Variants in MTMR12 observed in about 807,000 individuals in gnomAD.
MTMR12 encodes myotubularin related protein 12.
A neutral mutation model predicts 96.7 loss-of-function variants in MTMR12; 33 were observed. The observed-to-expected ratio is 0.34, with a 90% CI of 0.26 to 0.46. The LOEUF is 0.46. Among genes scored for constraint, MTMR12 ranks in the 20% least tolerant of loss-of-function variants. The probability of loss-of-function intolerance (pLI) is 1.00; values close to 1 mark genes in which losing one functional copy is unlikely to be tolerated. For missense variants in MTMR12, 721 were observed against 896.1 expected, an observed-to-expected ratio of 0.80 and a Z score of 2.49; for synonymous variants, 298 against 327.2, an observed-to-expected ratio of 0.91 and a Z score of 0.96.
At chr5:32,288,133 A>C (rs1435292157) in intron 1 of MTMR12, among the ~76,000 whole-genome samples, 1 of 152,188 alleles carries the variant, frequency 6.6e-6, no homozygotes, top group Non-Finnish European at 1.5e-5. Flanking sequence ...CAGCCTCGCC[A>C]GGTGTCTTTT....
intron 5 of MTMR12, among the ~76,000 whole-genome samples, 176 bp downstream of exon 5, chr5:32,270,641 C>G (rs59928961): frequency 0.45 from 68,270 of 152,072 alleles, 16,437 homozygotes; most frequent in African/African-American, 0.62. Flanking sequence ...ATGATACACA[C>G]GCATGCTTTA....
At chr5:32,251,647 G>T (rs1184770865) in intron 8 of MTMR12, among the ~76,000 whole-genome samples, 2 of 152,158 alleles carry the variant, frequency 1.3e-5, no homozygotes, top group East Asian at 3.8e-4. Flanking sequence ...ACAGCCGCTT[G>T]ACTACGAAGG....
intron 12 of MTMR12, among the ~76,000 whole-genome samples, chr5:32,239,376 G>A (rs925680641): frequency 3.9e-5 from 6 of 152,222 alleles, no homozygotes; most frequent in Non-Finnish European, 8.8e-5. Flanking sequence ...GCTCTAGCAT[G>A]TCTAGTACAG....
At chr5:32,252,548 G>C (rs1193234076) in intron 8 of MTMR12, among the ~76,000 whole-genome samples, 1 of 152,150 alleles carries the variant, frequency 6.6e-6, no homozygotes, top group African/African-American at 2.4e-5. Flanking sequence ...CAGATCAGTG[G>C]TTCTCAAACT....
At chr5:32,305,136 T>C (rs1032921257) in intron 1 of MTMR12, among the ~76,000 whole-genome samples, 4 of 152,196 alleles carry the variant, frequency 2.6e-5, no homozygotes, top group African/African-American at 9.6e-5. Context: ...TCGCCCAGGC[T>C]GGAATGCAGT....
chr5:32,271,039 G>T, intron 4 of MTMR12, 92 bp from the exon 5 acceptor site: 1 of 1,380,560 alleles, frequency 7.2e-7, no homozygotes, highest in Non-Finnish European at 9.8e-7. Context: ...AACTTCTAGG[G>T]ATACTTCCCA....
At chr5:32,235,402 A>T (rs1008221261) in intron 13 of MTMR12, among the ~76,000 whole-genome samples, 1 of 152,258 alleles carries the variant, frequency 6.6e-6, no homozygotes, top group East Asian at 1.9e-4. Flanking sequence ...GAGCATCTGC[A>T]ATTGATTCTG....
intron 10 of MTMR12, among the ~76,000 whole-genome samples, chr5:32,244,032 G>A (rs544143233): frequency 1.3e-5 from 2 of 152,236 alleles, no homozygotes; most frequent in African/African-American, 2.4e-5. Flanking sequence ...GCACAAGTTC[G>A]TCCACCCAGC....
At chr5:32,278,506 G>C (rs1171222294) in intron 1 of MTMR12, among the ~76,000 whole-genome samples, 1 of 152,078 alleles carries the variant, frequency 6.6e-6, no homozygotes, top group Non-Finnish European at 1.5e-5. Flanking sequence ...AGAATGTTAG[G>C]GCTTTTCCTG....
In MTMR12 at chr5:32,312,164, A is replaced by C. The variant is rs531268252; in HGVS notation, c.81+594T>G. Reference sequence around the variant, plus strand: ...GGGTGGAAAGGATGATGGTGAGGGGATGAGGAGAAAGAAGCGACAGCGGAG... The same window carrying C: ...GGGTGGAAAGGATGATGGTGAGGGGCTGAGGAGAAAGAAGCGACAGCGGAG... On this transcript the variant is annotated intron_variant, in intron 1 of 15. Coordinates refer to ENST00000382142, the MANE Select transcript of MTMR12 (RefSeq NM_001040446.3). This position sits in a 1 kb window ranked among gnomAD's most constrained non-coding sequence, Gnocchi z 5.0. Among the ~76,000 whole-genome samples the C allele has an allele frequency of 1.3e-5, 2 of 152,078 alleles. No homozygotes were observed. Among genetic ancestry groups the C allele is most frequent in the South Asian group, 4.2e-4 (2 of 4,770 alleles).
chr5:32,236,273 C>T (rs1318815215), intron 13 of MTMR12, among the ~76,000 whole-genome samples: 1 of 152,110 alleles, frequency 6.6e-6, no homozygotes, highest in Non-Finnish European at 1.5e-5. Context: ...TATGGGTAGG[C>T]GCAGTGGCTC....
chr5:32,245,112 T>G (rs1209961487), intron 10 of MTMR12, among the ~76,000 whole-genome samples: 2 of 152,234 alleles, frequency 1.3e-5, no homozygotes, highest in African/African-American at 4.8e-5. Flanking sequence ...CTCAGCTCAC[T>G]GCAACCTCTG....
intron 1 of MTMR12, among the ~76,000 whole-genome samples, chr5:32,301,583 T>A (rs2112156433): frequency 6.6e-6 from 1 of 152,356 alleles, no homozygotes; most frequent in South Asian, 2.1e-4. Context: ...TCAAGTGTTC[T>A]CAAATACTTC....
chr5:32,271,673 C>G (rs1749837929), intron 4 of MTMR12, among the ~76,000 whole-genome samples, 160 bp downstream of exon 4: 1 of 152,126 alleles, frequency 6.6e-6, no homozygotes, highest in African/African-American at 2.4e-5. Flanking sequence ...CTTATATAAA[C>G]CACTTTACAT....
chr5:32,257,366 T>C (rs1189857142), intron 7 of MTMR12, among the ~76,000 whole-genome samples: 3 of 152,152 alleles, frequency 2.0e-5, no homozygotes, highest in African/African-American at 7.2e-5. Context: ...GGTGGGGGTA[T>C]AGAGAAAACA....
chr5:32,262,980 T>G lies in MTMR12; in HGVS notation c.713+133A>C. Reference sequence around the variant, plus strand: ...GGAGTGACAGCCAATGGGTATGGAGTTTCTTTTTGGGAGGATGAAAATGTT... The same window carrying G: ...GGAGTGACAGCCAATGGGTATGGAGGTTCTTTTTGGGAGGATGAAAATGTT... On this transcript the variant is annotated intron_variant, in intron 7 of 15. Coordinates refer to ENST00000382142, the MANE Select transcript of MTMR12 (RefSeq NM_001040446.3). 11 of 1,174,084 alleles carry G rather than the reference T, an allele frequency of 9.4e-6. No homozygotes were observed. The East Asian group carries it at 1.0e-4, about 11-fold the overall frequency. 72.7% of individuals were successfully genotyped at this position (1,174,084 alleles called of 1,614,324 possible). A position where few individuals can be genotyped will look rare whatever the true frequency, so the allele number is the denominator to read the frequency against.
chr5:32,269,344 T>C (rs1581619035), intron 5 of MTMR12, among the ~76,000 whole-genome samples: 1 of 151,574 alleles, frequency 6.6e-6, no homozygotes, highest in Non-Finnish European at 1.5e-5. Flanking sequence ...ATTATTATTA[T>C]TGTTATTGAG....
intron 1 of MTMR12, among the ~76,000 whole-genome samples, chr5:32,295,514 T>C (rs920476565): frequency 2.6e-5 from 4 of 152,252 alleles, no homozygotes; most frequent in African/African-American, 9.6e-5. Flanking sequence ...TTTTGGATTT[T>C]CAGATTAGAA....
intron 8 of MTMR12, among the ~76,000 whole-genome samples, chr5:32,250,465 T>C (rs1040935893): frequency 1.3e-5 from 2 of 152,198 alleles, no homozygotes; most frequent in Non-Finnish European, 2.9e-5. Flanking sequence ...CAAAGGGCCC[T>C]TTGCTGTTCT....
Sources: allele counts gnomAD v4.1 joint callset (sites outside exome capture counted in the v4.1 genomes callset), GRCh38; gene constraint gnomAD v4.1.1; non-coding constraint Gnocchi (gnomAD v3.1); transcripts MANE v1.5; gene names NCBI Gene and HGNC (gene_info 2026-07-23, HGNC 2026-07-21).